The following PZP variants were observed in gnomAD, a reference collection of about 807,000 sequenced individuals.
PZP encodes the protein PZP alpha-2-macroglobulin like, also known as pregnancy zone protein.
Under a neutral mutation model 179.8 loss-of-function variants are expected in PZP, and 150 were observed. The observed-to-expected ratio is 0.83, with a 90% CI of 0.73 to 0.96. The LOEUF is 0.96. PZP is among the 40% of genes least tolerant of loss of function. The pLI is 0.00. For synonymous variants in PZP, 624 were observed against 652.3 expected (o/e 0.96, Z 0.66); for missense variants, 1,689 against 1,764.0 (o/e 0.96, Z 0.76).
In PZP at chr12:9,170,668, G is replaced by A. The variant is rs1284121561; in HGVS notation, c.1840-1077C>T. The stretch of plus-strand genomic sequence containing the variant: ...AGCCACTCCAGCCTGAAGGCTTGGG[G>A]AATACAGATGGTCTGGATGAGGAAC... On this transcript the variant is annotated intron_variant, in intron 15 of 35. Coordinates refer to ENST00000261336, the MANE Select transcript of PZP (RefSeq NM_002864.3). This position sits in a 1 kb window ranked among gnomAD's most constrained non-coding sequence, Gnocchi z 4.6. 6.6e-6 allele frequency among the ~76,000 whole-genome samples: 1 copy of A among 152,172 alleles called. No individual in the cohort carries two copies. Among genetic ancestry groups the A allele is most frequent in the Admixed American group, 6.5e-5 (1 of 15,290 alleles).
intron 7 of PZP, among the ~76,000 whole-genome samples, chr12:9,197,599 TATA>T (rs1394222797): frequency 6.7e-5 from 7 of 104,550 alleles, no homozygotes; most frequent in African/African-American, 2.8e-4. Context: ...AATATATAAA[TATA>T]ATATATATTA....
chr12:9,194,905 A>G (rs939391460), intron 10 of PZP, among the ~76,000 whole-genome samples: 11 of 152,148 alleles, frequency 7.2e-5, no homozygotes, highest in Non-Finnish European at 1.3e-4. Flanking sequence ...TCTGAACTCT[A>G]CTAGCTAAAA....
chr12:9,169,456 C>T lies in PZP; in HGVS notation c.1975G>A (p.Glu659Lys), dbSNP rs1468711010. 2 of 1,608,638 alleles carry T rather than the reference C, an allele frequency of 1.2e-6. No individual in the cohort carries two copies. Among genetic ancestry groups the T allele is most frequent in the South Asian group, 1.1e-5 (1 of 89,842 alleles). The stretch of plus-strand genomic sequence containing the variant: ...TTGAGGAAGCTATAAATATCTGCTT[C>T]ATTACTTGATAAGGGAACATAGATG... ...GAIYVPLSSN[E>K]ADIYSFLKGM... The change falls in exon 16 of 36, where the codon GAA becomes AAA. Residue 659 changes from glutamate (E) to lysine (K), a missense_variant. Glu to Lys is a moderately conservative substitution (Grantham distance 56). Transcript: ENST00000261336.
intron 15 of PZP, among the ~76,000 whole-genome samples, chr12:9,175,406 A>C (rs899505972): frequency 6.6e-6 from 1 of 152,212 alleles, no homozygotes; most frequent in African/African-American, 2.4e-5. Context: ...GCGCAGGCAA[A>C]GATTTCATGA....
At chr12:9,162,047 C>T (rs1027678535) in intron 22 of PZP, among the ~76,000 whole-genome samples, 1 of 152,070 alleles carries the variant, frequency 6.6e-6, no homozygotes, top group African/African-American at 2.4e-5. Flanking sequence ...CTGCAACCTC[C>T]CCCTGCCCGG....
At chr12:9,185,817 T>TTC (rs1943073297) in intron 13 of PZP, among the ~76,000 whole-genome samples, 1 of 149,114 alleles carries the variant, frequency 6.7e-6, no homozygotes. Context: ...TTCTTTTCTT[T>TTC]TTTTTTTTCT....
At chr12:9,196,920 AGCT>A in intron 8 of PZP, 89 bp downstream of exon 8, 3 of 1,061,544 alleles carry the variant, frequency 2.8e-6, no homozygotes, top group Non-Finnish European at 4.2e-6. Flanking sequence ...TTTTGCGACA[AGCT>A]TGTCCTGATG....
rs3832849 is a variant in PZP at position 9,182,132 on chromosome 12, GAGTGAGACAAAATGGTCATA to G, written c.1547-35_1547-16del. Reference sequence around the variant, plus strand: ...ACTGCCTTTCACTGGAACATGGAGAGAGTGAGACAAAATGGTCATAAGTGAGACAAAAAGGTCATAAAAAT... The same window carrying G: ...ACTGCCTTTCACTGGAACATGGAGAGAGTGAGACAAAAAGGTCATAAAAAT... On this transcript the variant is annotated splice_polypyrimidine_tract_variant and intron_variant, in intron 13 of 35. Transcript: ENST00000261336. 3.8e-5 allele frequency: 59 copies of G among 1,554,434 alleles called. No homozygotes were observed. In the Admixed American group the frequency reaches 1.1e-3, roughly 29 times the overall value.
chr12:9,206,162 C>T (rs1417118122), intron 1 of PZP, among the ~76,000 whole-genome samples: 1 of 152,042 alleles, frequency 6.6e-6, no homozygotes, highest in Non-Finnish European at 1.5e-5. Context: ...GCTCTTTTAA[C>T]AGCATAATAA....
chr12:9,161,504 A>T lies in PZP; in HGVS notation c.2789-388T>A, dbSNP rs373330930. ...TCCAGAGTCCTTCCTCTTCTCATTT[A>T]ACTATATTTTTGCATGGCTGTGCTC... is the stretch of plus-strand genomic sequence containing the variant. On this transcript the variant is annotated intron_variant, in intron 22 of 35. Transcript: ENST00000261336. 1.4e-4 allele frequency among the ~76,000 whole-genome samples: 22 copies of T among 152,132 alleles called. No homozygotes were observed. The East Asian group carries it at 1.7e-3, about 12-fold the overall frequency.
In PZP at chr12:9,162,627, T is replaced by C. The variant is rs1451373736; in HGVS notation, c.2758A>G (p.Lys920Glu). Residue 920 changes from lysine to glutamate, a missense_variant, in exon 22 of 36, where the codon AAG becomes GAG. Physicochemically the swap from Lys to Glu is moderately conservative, Grantham distance 56. This residue lies in a region of PZP where 746 missense variants were observed against 749.2 expected (regional missense o/e 1.00). Coordinates refer to ENST00000261336, the MANE Select transcript of PZP (RefSeq NM_002864.3). ...GCACAGGTCATAGAACTGAAAGTCT[T>C]TTCTTGCTCAATACCTTCAGCCTTG... ...LVEAEGIEQE[K>E]TFSSMTCASG... The C allele has an allele frequency of 5.6e-6, 9 of 1,595,884 alleles. No homozygotes were observed. The African/African-American group carries it at 9.4e-5, about 17-fold the overall frequency.
chr12:9,195,702 C>G (rs11049379), intron 10 of PZP, among the ~76,000 whole-genome samples: 36,307 of 149,560 alleles, frequency 0.24, 4,790 homozygotes, highest in East Asian at 0.39. Flanking sequence ...GATCCTCCCC[C>G]CTTGGCCTCC....
chr12:9,166,680 G>A (rs1310946823), intron 17 of PZP, among the ~76,000 whole-genome samples: 1 of 152,166 alleles, frequency 6.6e-6, no homozygotes, highest in Non-Finnish European at 1.5e-5. Context: ...ATCACTGTAT[G>A]GAACTTTGCA....
chr12:9,172,367 A>G (rs941936153), intron 15 of PZP, among the ~76,000 whole-genome samples: 3 of 152,200 alleles, frequency 2.0e-5, no homozygotes, highest in East Asian at 1.9e-4. Context: ...AAGAAAGACC[A>G]TTACCAGCCA....
Position 9,196,397 on chromosome 12 carries a change from ATGTT to A in PZP, c.1021_1024del (p.Asn341LeufsTer8). ...TTTCACGAATTTGAGTTTGGATACA[ATGTT>A]TGTGATTTCACTGATCCTGTTTGCA... On this transcript the variant is annotated frameshift_variant, in exon 10 of 36. Transcript: ENST00000261336. LOFTEE classifies it high-confidence loss of function. 2 of 1,613,850 alleles carry A rather than the reference ATGTT, an allele frequency of 1.2e-6. No homozygotes were observed. Among genetic ancestry groups the A allele is most frequent in the Non-Finnish European group, 1.7e-6 (2 of 1,179,778 alleles).
At chr12:9,144,704 G>A (rs1456085338), downstream of PZP, among the ~76,000 whole-genome samples, 1 of 152,192 alleles carries the variant, frequency 6.6e-6, no homozygotes, top group Non-Finnish European at 1.5e-5. Context: ...GAATGTTTCT[G>A]TGTGGAGGAG....
At chr12:9,182,950 T>C (rs986586224) in intron 13 of PZP, among the ~76,000 whole-genome samples, 1 of 152,222 alleles carries the variant, frequency 6.6e-6, no homozygotes, top group African/African-American at 2.4e-5. Context: ...CCCAGCTATA[T>C]GGCTTTAAAT....
chr12:9,147,230 A>G (rs1161759185), downstream of PZP, among the ~76,000 whole-genome samples: 3 of 152,184 alleles, frequency 2.0e-5, no homozygotes, highest in African/African-American at 7.2e-5. Flanking sequence ...AGTGCCTACC[A>G]GTCCAACTTG....
At chr12:9,162,546 A>G (rs1366305487) in intron 22 of PZP, 51 bp downstream of exon 22, 3 of 1,302,574 alleles carry the variant, frequency 2.3e-6, no homozygotes, top group Non-Finnish European at 3.3e-6. Flanking sequence ...CTTGAGGTTT[A>G]TACCCCTTTG....
Sources: gnomAD v4.1 joint callset for allele counts (sites outside exome capture counted in the v4.1 genomes callset) on GRCh38, gnomAD v4.1.1 for gene constraint, gnomAD v4.1.1 regional missense constraint, Gnocchi (gnomAD v3.1) non-coding constraint, MANE v1.5 for transcripts, NCBI Gene and HGNC (gene_info 2026-07-23, HGNC 2026-07-21) for gene names.